BIN2: variants seen among roughly 807,000 people sequenced by gnomAD.
BIN2 encodes bridging integrator 2.
Under a neutral mutation model 67.9 loss-of-function variants are expected in BIN2, and 43 were observed. The ratio of observed to expected loss-of-function variants is 0.63; its 90% CI spans 0.50 to 0.82. The LOEUF is 0.82. BIN2 is among the 40% of genes least tolerant of loss of function. BIN2 has a pLI of 0.00. For synonymous variants in BIN2, 244 were observed against 246.8 expected (o/e 0.99, Z 0.11); for missense variants, 581 against 671.6 (o/e 0.87, Z 1.49).
intron 5 of BIN2, 122 bp from the exon 6 acceptor site, chr12:51,299,836 T>A: frequency 1.1e-6 from 1 of 904,650 alleles, no homozygotes; most frequent in Non-Finnish European, 1.7e-6. Context: ...ACTTTCGTTG[T>A]TTTTTGCTTT....
chr12:51,300,972 G>A (rs1024700369), intron 5 of BIN2, among the ~76,000 whole-genome samples: 3 of 152,204 alleles, frequency 2.0e-5, no homozygotes, highest in African/African-American at 7.2e-5. Context: ...TGCAATCCCA[G>A]CACTTTGGGA....
chr12:51,317,936 C>T (rs528798605), intron 1 of BIN2, among the ~76,000 whole-genome samples: 40 of 151,996 alleles, frequency 2.6e-4, no homozygotes, highest in Admixed American at 8.5e-4. Context: ...TGCAGTGACC[C>T]GAGATAGCGC....
Position 51,307,240 on chromosome 12 carries a change from G to A in BIN2, c.163-4099C>T, listed in dbSNP as rs6580823. Reference sequence around the variant, plus strand: ...GGAGGTTACAGTGAGCTGAGATCGCGACACCGTACTCTAGCCTGGGCGACA... The same window carrying A: ...GGAGGTTACAGTGAGCTGAGATCGCAACACCGTACTCTAGCCTGGGCGACA... On this transcript the variant is annotated intron_variant, in intron 2 of 12. Coordinates refer to ENST00000615107, the MANE Select transcript of BIN2 (RefSeq NM_016293.4). Among the ~76,000 whole-genome samples the A allele has an allele frequency of 6.6e-3, 939 of 142,596 alleles. 6 individuals are homozygous for A. Among genetic ancestry groups the A allele is most frequent in the African/African-American group, 0.023 (889 of 38,070 alleles). The allele number at this position is 142,596 out of a possible 152,430, so 93.5% of individuals were successfully genotyped here.
In BIN2 at chr12:51,302,115, T is replaced by C. The variant is rs146410757; in HGVS notation, c.313A>G (p.Asn105Asp). 1.3e-5 allele frequency: 21 copies of C among 1,607,136 alleles called. No homozygotes were observed. Among genetic ancestry groups the C allele is most frequent in the Admixed American group, 1.0e-4 (6 of 59,980 alleles). Residue 105 changes from asparagine to aspartate, a missense_variant and splice_region_variant, in exon 5 of 13, where the codon AAT becomes GAT. Asn to Asp is a conservative substitution (Grantham distance 23). Transcript: ENST00000615107. ...TAGTCTTCCCAAAGGAGATCATTAT[T>C]CTGTAGGATAGAGTCAGAGGCTGGT... ...GHEELKAIVW[N>D]NDLLWEDYEE... is the part of the protein sequence containing the mutation.
At position 51,297,080 on chromosome 12, in the gene BIN2, A is replaced by G. The variant is rs1945584685; in HGVS notation, c.678+9T>C. On this transcript the variant is annotated intron_variant, in intron 8 of 12. Coordinates refer to ENST00000615107, the MANE Select transcript of BIN2 (RefSeq NM_016293.4). ...ACCTAGGAGCCTCAATTGGCCAGAC[A>G]CCTCTCACCTTGCTCATTTCCCTGT... 7 of 1,611,148 alleles carry G rather than the reference A, an allele frequency of 4.3e-6. No homozygotes were observed. The highest frequency in any genetic ancestry group is 5.9e-6 in the Non-Finnish European group (7 of 1,177,816).
intron 7 of BIN2, 102 bp downstream of exon 7, chr12:51,299,101 G>T: frequency 2.5e-6 from 2 of 791,418 alleles, no homozygotes; most frequent in Non-Finnish European, 4.1e-6. Flanking sequence ...GGGCGGGGCA[G>T]TGTGGGAATT....
At chr12:51,297,236 G>A in intron 7 of BIN2, 72 bp from the exon 8 acceptor site, 1 of 1,485,650 alleles carries the variant, frequency 6.7e-7, no homozygotes, top group Non-Finnish European at 9.3e-7. Flanking sequence ...GAAATACAAA[G>A]TAGGACTTAA....
chr12:51,292,145 T>C lies in BIN2; in HGVS notation c.961A>G (p.Ile321Val). 1 of 1,614,022 alleles carries C rather than the reference T, an allele frequency of 6.2e-7. No homozygotes were observed. The highest frequency in any genetic ancestry group is 2.2e-5 in the East Asian group (1 of 44,866). ...CTTGCTTCAGATCCTTCCTTCTCTA[T>C]TTCCTCCTCTTCTAAGAGCTCCTTG... is the stretch of plus-strand genomic sequence containing the variant. ...EIKELLEEEE[I>V]EKEGSEASSS... The change falls in exon 10 of 13, where the codon ATA (isoleucine) becomes GTA (valine). Residue 321 changes from isoleucine to valine, a missense_variant. Physicochemically the swap from Ile to Val is conservative, Grantham distance 29. Coordinates refer to ENST00000615107, the MANE Select transcript of BIN2 (RefSeq NM_016293.4).
intron 1 of BIN2, among the ~76,000 whole-genome samples, chr12:51,315,793 C>A (rs2137436685): frequency 1.3e-5 from 2 of 152,264 alleles, no homozygotes; most frequent in South Asian, 4.1e-4. Flanking sequence ...AACCTGAGAG[C>A]CAAACCGTCA....
At chr12:51,322,780 G>C (rs1946320736) in intron 1 of BIN2, 1 of 129,768 alleles carries the variant, frequency 7.7e-6, no homozygotes, top group African/African-American at 2.9e-5. Flanking sequence ...AAGTAACGAA[G>C]TCTGGCTACA....
chr12:51,298,573 TA>T lies in BIN2; in HGVS notation c.602+629del, dbSNP rs984097053. ...AAATTAATTAATTAATAAAATAAAA[TA>T]AAAAATAAAATTTCAATTTCATTTT... On this transcript the variant is annotated intron_variant, in intron 7 of 12. Transcript: ENST00000615107. Among the ~76,000 whole-genome samples the T allele has an allele frequency of 5.3e-5, 8 of 151,808 alleles. No individual in the cohort carries two copies. In the South Asian group the frequency reaches 1.7e-3, roughly 32 times the overall value.
At chr12:51,323,970 C>T in intron 1 of BIN2, 52 bp downstream of exon 1, 1 of 1,601,668 alleles carries the variant, frequency 6.2e-7, no homozygotes, top group Non-Finnish European at 8.5e-7. Flanking sequence ...CGGGCTCGGC[C>T]TCGGCCTCGG....
intron 9 of BIN2, 87 bp from the exon 10 acceptor site, chr12:51,292,431 AAAG>A: frequency 7.5e-7 from 1 of 1,339,194 alleles, no homozygotes; most frequent in Non-Finnish European, 1.0e-6. Context: ...GTAATAAAAA[AAAG>A]AATAAAGCAA....
intron 2 of BIN2, among the ~76,000 whole-genome samples, chr12:51,303,966 T>C (rs1945800292): frequency 6.6e-6 from 1 of 152,208 alleles, no homozygotes. Context: ...TTTTTCTGGC[T>C]GGGCGTGGCA....
intron 2 of BIN2, among the ~76,000 whole-genome samples, chr12:51,313,049 A>G (rs1279210279): frequency 1.3e-5 from 2 of 152,134 alleles, no homozygotes; most frequent in African/African-American, 4.8e-5. Flanking sequence ...CCTGGCCAAC[A>G]TGGTGAAACC....
intron 2 of BIN2, among the ~76,000 whole-genome samples, chr12:51,303,717 TCTC>T (rs908310667): frequency 1.3e-5 from 2 of 152,160 alleles, no homozygotes; most frequent in African/African-American, 4.8e-5. Context: ...GTGTCTGAAA[TCTC>T]ATTTTTTTAG....
chr12:51,301,399 C>T (rs907680492), intron 5 of BIN2, among the ~76,000 whole-genome samples: 8 of 152,152 alleles, frequency 5.3e-5, no homozygotes, highest in Non-Finnish European at 8.8e-5. Context: ...CTCTTCTATA[C>T]AATAAACATC....
intron 4 of BIN2, chr12:51,302,395 C>T (rs996378935): frequency 3.2e-5 from 17 of 526,158 alleles, no homozygotes; most frequent in Non-Finnish European, 5.8e-5. Flanking sequence ...GAGTGTATAA[C>T]TGCATGAAGT....
intron 9 of BIN2, among the ~76,000 whole-genome samples, chr12:51,295,581 T>A (rs1410121404): frequency 0.074 from 1,089 of 14,792 alleles, 189 homozygotes; most frequent in South Asian, 0.12. Context: ...AAAAAAAATA[T>A]ATATATATAT....
Sources: gnomAD v4.1 joint callset for allele counts (sites outside exome capture counted in the v4.1 genomes callset) on GRCh38, gnomAD v4.1.1 for gene constraint, MANE v1.5 for transcripts, NCBI Gene and HGNC (gene_info 2026-07-23, HGNC 2026-07-21) for gene names.